The following ACSBG1 variants were observed in gnomAD, a reference collection of about 807,000 sequenced individuals.
ACSBG1 encodes long-chain-fatty-acid--CoA ligase ACSBG1.
A neutral mutation model predicts 80.2 loss-of-function variants in ACSBG1; 39 were observed. The ratio of observed to expected loss-of-function variants is 0.49; its 90% CI spans 0.38 to 0.64. ACSBG1 has a LOEUF of 0.64. Ranked by LOEUF, ACSBG1 falls within the 30% of genes least tolerant of loss-of-function variation. The pLI is 0.00. For synonymous variants in ACSBG1, 392 were observed against 379.5 expected (o/e 1.03, Z -0.38); for missense variants, 828 against 966.4 (o/e 0.86, Z 1.90).
intron 1 of ACSBG1, among the ~76,000 whole-genome samples, chr15:78,217,845 C>T (rs374311175): frequency 1.3e-5 from 2 of 152,138 alleles, no homozygotes; most frequent in South Asian, 4.1e-4. Context: ...GGATTACAGG[C>T]GTGAGCCACC....
chr15:78,222,228 G>A (rs772441246), intron 1 of ACSBG1, among the ~76,000 whole-genome samples: 2 of 152,340 alleles, frequency 1.3e-5, no homozygotes, highest in Non-Finnish European at 2.9e-5. Flanking sequence ...CCACTTAAAT[G>A]AAATGTCCAG....
At chr15:78,204,996 A>T (rs2075200816) in intron 2 of ACSBG1, among the ~76,000 whole-genome samples, 1 of 151,974 alleles carries the variant, frequency 6.6e-6, no homozygotes, top group African/African-American at 2.4e-5. Context: ...TGGGTGTGGG[A>T]GTTTCCTAGG....
chr15:78,224,991 CA>C (rs34820253), intron 1 of ACSBG1, among the ~76,000 whole-genome samples: 2 of 151,296 alleles, frequency 1.3e-5, no homozygotes, highest in Non-Finnish European at 2.9e-5. Flanking sequence ...AGGGGATCTA[CA>C]AAAAAAAGTG....
intron 3 of ACSBG1, 148 bp downstream of exon 3, chr15:78,194,358 G>T: frequency 1.4e-6 from 1 of 736,140 alleles, no homozygotes; most frequent in Non-Finnish European, 2.2e-6. Context: ...CCAGCATGGA[G>T]TATCAGCCCC....
rs371720006 is a variant in ACSBG1, at chr15:78,212,724, G to T, written c.132-4622C>A. ...CAGAGAGGCCCGGCTCCACCGGACC[G>T]CCCTGCAACAGAGATACAGCGTGAG... On this transcript the variant is annotated intron_variant, in intron 1 of 13. Transcript: ENST00000258873. 2.9e-3 allele frequency: 1,145 copies of T among 391,582 alleles called. 29 individuals carry two copies. The highest frequency in any genetic ancestry group is 0.021 in the South Asian group (1,123 of 54,150). 24.3% of individuals were successfully genotyped at this position (391,582 alleles called of 1,614,324 possible).
At chr15:78,223,271 G>T (rs1244506999) in intron 1 of ACSBG1, among the ~76,000 whole-genome samples, 1 of 116,932 alleles carries the variant, frequency 8.6e-6, no homozygotes, top group African/African-American at 3.4e-5. Flanking sequence ...ATAGGGAGGG[G>T]CCTGTTGGGG....
At chr15:78,224,654 G>C (rs1174592176) in intron 1 of ACSBG1, among the ~76,000 whole-genome samples, 1 of 152,148 alleles carries the variant, frequency 6.6e-6, no homozygotes, top group Non-Finnish European at 1.5e-5. Flanking sequence ...CCAGGAGGTG[G>C]AGGTTGCAGT....
chr15:78,232,463 C>T (rs1272437047), intron 1 of ACSBG1, among the ~76,000 whole-genome samples: 2 of 152,204 alleles, frequency 1.3e-5, no homozygotes, highest in Non-Finnish European at 2.9e-5. Flanking sequence ...AAGCCCAGTC[C>T]TCTGTGAGCT....
At chr15:78,232,580 G>A (rs1398976671) in intron 1 of ACSBG1, among the ~76,000 whole-genome samples, 2 of 152,130 alleles carry the variant, frequency 1.3e-5, no homozygotes, top group South Asian at 2.1e-4. Context: ...GGGAGCAGAA[G>A]ACCCTGAGAT....
Position 78,168,272 on chromosome 15 carries a change from GA to G in ACSBG1, c.*3171del, listed in dbSNP as rs1384593467. On this transcript the variant is annotated 3_prime_UTR_variant, in exon 14 of 14. Coordinates refer to ENST00000258873, the MANE Select transcript of ACSBG1 (RefSeq NM_015162.5). ...CCCCGTCTCTTAAAAAAAAAAAAAA[GA>G]GTTAATGATTTAAATATTTCTTTCG... 8.9e-5 allele frequency: 13 copies of G among 146,650 alleles called. No individual in the cohort carries two copies. In the East Asian group the frequency reaches 2.6e-3, roughly 29 times the overall value. 9.1% of individuals were successfully genotyped at this position (146,650 alleles called of 1,614,324 possible). A position where few individuals can be genotyped will look rare whatever the true frequency, so the allele number is the denominator to read the frequency against.
chr15:78,205,094 T>A (rs1008593447), intron 2 of ACSBG1, among the ~76,000 whole-genome samples: 7 of 152,110 alleles, frequency 4.6e-5, no homozygotes, highest in African/African-American at 1.7e-4. Context: ...CTCCCCTCTC[T>A]GTGGTCTCGA....
chr15:78,174,335 C>T, intron 12 of ACSBG1, 50 bp downstream of exon 12: 1 of 1,613,434 alleles, frequency 6.2e-7, no homozygotes. Context: ...GCCAGACCCA[C>T]AGACCCCCTC....
rs2075229867 is a variant in ACSBG1, at chr15:78,207,879, G to A, written c.232+123C>T. ...GTCCCTGGGAGCGTGGAACCAGCAA[G>A]ATCCCCAGCTGCTCCTTCCCGCAGT... On this transcript the variant is annotated intron_variant, in intron 2 of 13. Transcript: ENST00000258873. The A allele has an allele frequency of 1.0e-5, 8 of 763,416 alleles. 1 individual carries two copies. The South Asian group carries it at 1.3e-4, about 13-fold the overall frequency. The allele number at this position is 763,416 out of a possible 1,614,324, so 47.3% of individuals were successfully genotyped here.
chr15:78,229,799 C>T (rs1567102803), intron 1 of ACSBG1, among the ~76,000 whole-genome samples: 1 of 152,150 alleles, frequency 6.6e-6, no homozygotes, highest in East Asian at 1.9e-4. Context: ...CCCCAGGCTT[C>T]TGCTGCTTGC....
intron 2 of ACSBG1, among the ~76,000 whole-genome samples, chr15:78,201,347 C>T (rs2075165179): frequency 6.6e-6 from 1 of 152,218 alleles, no homozygotes; most frequent in Non-Finnish European, 1.5e-5. Flanking sequence ...CTCTCCCCCA[C>T]CTCACCCTTG....
At chr15:78,191,182 G>A (rs189458295) in intron 5 of ACSBG1, among the ~76,000 whole-genome samples, 1 of 152,348 alleles carries the variant, frequency 6.6e-6, no homozygotes, top group East Asian at 1.9e-4. Context: ...ATTTCTTAAT[G>A]ATCAAGGGTT....
At chr15:78,186,406 C>T (rs922141572) in intron 5 of ACSBG1, among the ~76,000 whole-genome samples, 1 of 152,078 alleles carries the variant, frequency 6.6e-6, no homozygotes, top group South Asian at 2.1e-4. Context: ...TATTCCAAAA[C>T]TGACCACGTA....
chr15:78,225,417 A>G (rs976296803), intron 1 of ACSBG1, among the ~76,000 whole-genome samples: 4 of 150,254 alleles, frequency 2.7e-5, no homozygotes, highest in Non-Finnish European at 4.4e-5. Flanking sequence ...ATAAATAAAT[A>G]AATAAATAAA....
At chr15:78,197,679 A>G (rs1175631776) in intron 2 of ACSBG1, among the ~76,000 whole-genome samples, 1 of 145,766 alleles carries the variant, frequency 6.9e-6, no homozygotes, top group East Asian at 2.1e-4. Context: ...AGATCGCACC[A>G]CTGCCCTCCA....
Sources: allele counts gnomAD v4.1 joint callset (sites outside exome capture counted in the v4.1 genomes callset), GRCh38; gene constraint gnomAD v4.1.1; transcripts MANE v1.5; gene names NCBI Gene and HGNC (gene_info 2026-07-23, HGNC 2026-07-21).